The following CMTM7 variants were observed in gnomAD, a reference collection of about 807,000 sequenced individuals.
CMTM7 encodes the protein CKLF like MARVEL transmembrane domain containing 7.
A neutral mutation model predicts 19.3 loss-of-function variants in CMTM7; 7 were observed. The observed-to-expected ratio is 0.36, with a 90% CI of 0.21 to 0.68. CMTM7 has a LOEUF of 0.68. CMTM7 is among the 30% of genes least tolerant of loss of function. The probability of loss-of-function intolerance (pLI) is 0.60; values close to 1 mark genes in which losing one functional copy is unlikely to be tolerated. For missense variants in CMTM7, 193 were observed against 232.6 expected, an observed-to-expected ratio of 0.83 and a Z score of 1.11; for synonymous variants, 87 against 99.3, an observed-to-expected ratio of 0.88 and a Z score of 0.74.
intron 1 of CMTM7, among the ~76,000 whole-genome samples, chr3:32,415,240 G>A (rs1696243110): frequency 6.6e-6 from 1 of 151,998 alleles, no homozygotes; most frequent in Non-Finnish European, 1.5e-5. Context: ...GGGGCCCAGG[G>A]ACCTGCATTT....
At chr3:32,450,375 C>T (rs567219233) in intron 3 of CMTM7, among the ~76,000 whole-genome samples, 5 of 152,206 alleles carry the variant, frequency 3.3e-5, no homozygotes, top group South Asian at 2.1e-4. Context: ...GCCTGGGCAA[C>T]GTACTGAGAC....
chr3:32,452,124 G>A (rs1393671889), intron 3 of CMTM7: 2 of 1,462,836 alleles, frequency 1.4e-6, no homozygotes, highest in Non-Finnish European at 1.8e-6. Flanking sequence ...CCCAGACCAG[G>A]CACTGAAGCT....
intron 1 of CMTM7, among the ~76,000 whole-genome samples, chr3:32,434,533 G>C (rs1399212585): frequency 1.5e-4 from 23 of 150,566 alleles, no homozygotes; most frequent in Admixed American, 1.5e-3. Context: ...TCGAACCCTT[G>C]GCTTCAAGTA....
intron 1 of CMTM7, among the ~76,000 whole-genome samples, chr3:32,417,260 C>T (rs1241171173): frequency 6.6e-6 from 1 of 152,204 alleles, no homozygotes; most frequent in Non-Finnish European, 1.5e-5. Flanking sequence ...TCCTGGCAAC[C>T]ATTGATCTGT....
chr3:32,434,960 C>A (rs973706065), intron 1 of CMTM7, among the ~76,000 whole-genome samples: 7 of 152,158 alleles, frequency 4.6e-5, no homozygotes, highest in African/African-American at 1.4e-4. Flanking sequence ...TATTTCCATT[C>A]TTTTTAAATA....
chr3:32,393,601 G>A (rs1385707943), intron 1 of CMTM7, among the ~76,000 whole-genome samples: 2 of 151,926 alleles, frequency 1.3e-5, no homozygotes, highest in African/African-American at 4.8e-5. Context: ...ATGAAACCTC[G>A]GCAACATAGC....
At chr3:32,451,740 C>G (rs1696835854) in intron 3 of CMTM7, 1 of 225,382 alleles carries the variant, frequency 4.4e-6, no homozygotes, top group Admixed American at 5.6e-5. Flanking sequence ...CACAGGCACT[C>G]TTCGTCTCCC....
chr3:32,415,526 C>T (rs1422198439), intron 1 of CMTM7, among the ~76,000 whole-genome samples: 1 of 152,236 alleles, frequency 6.6e-6, no homozygotes, highest in African/African-American at 2.4e-5. Flanking sequence ...GGCAGTGGAA[C>T]TGCTGGATTC....
At chr3:32,411,489 G>T (rs1373261258) in intron 1 of CMTM7, among the ~76,000 whole-genome samples, 1 of 152,124 alleles carries the variant, frequency 6.6e-6, no homozygotes, top group Non-Finnish European at 1.5e-5. Context: ...ATGCTATCAA[G>T]AGTGTGAGCC....
chr3:32,447,095 A>G (rs1297749530), intron 2 of CMTM7, among the ~76,000 whole-genome samples: 2 of 152,118 alleles, frequency 1.3e-5, no homozygotes, highest in African/African-American at 4.8e-5. Flanking sequence ...CTTGTATTCC[A>G]TAATTTTGGT....
chr3:32,413,068 GTAAA>G (rs1696203944), intron 1 of CMTM7, among the ~76,000 whole-genome samples: 1 of 152,166 alleles, frequency 6.6e-6, no homozygotes, highest in African/African-American at 2.4e-5. Flanking sequence ...ACCTGTTTTT[GTAAA>G]TAAAGTTGTA....
chr3:32,420,203 C>T (rs1440741180), intron 1 of CMTM7, among the ~76,000 whole-genome samples: 5 of 152,328 alleles, frequency 3.3e-5, no homozygotes, highest in Middle Eastern at 3.4e-3. Flanking sequence ...ATGAACCTTT[C>T]GTCCATGTCT....
intron 1 of CMTM7, among the ~76,000 whole-genome samples, chr3:32,399,749 T>C (rs890343383): frequency 6.6e-6 from 1 of 152,170 alleles, no homozygotes; most frequent in East Asian, 1.9e-4. Flanking sequence ...TTCCTGGAAG[T>C]TGGAGAGTAA....
At chr3:32,439,477 A>G (rs1474369955) in intron 1 of CMTM7, among the ~76,000 whole-genome samples, 1 of 152,216 alleles carries the variant, frequency 6.6e-6, no homozygotes, top group Non-Finnish European at 1.5e-5. Flanking sequence ...TTTTAGAGAC[A>G]GACTTTCACT....
chr3:32,423,658 T>A (rs1289377716), intron 1 of CMTM7, among the ~76,000 whole-genome samples: 1 of 152,204 alleles, frequency 6.6e-6, no homozygotes, highest in Non-Finnish European at 1.5e-5. Flanking sequence ...TGAGCAGAAC[T>A]GCAGTGATGT....
intron 1 of CMTM7, among the ~76,000 whole-genome samples, chr3:32,420,331 G>A (rs1222110561): frequency 6.6e-6 from 1 of 152,248 alleles, no homozygotes; most frequent in Non-Finnish European, 1.5e-5. Context: ...GCAGTGGCAA[G>A]GAGGCCTGAG....
chr3:32,398,020 A>C (rs992073401), intron 1 of CMTM7, among the ~76,000 whole-genome samples: 1 of 152,198 alleles, frequency 6.6e-6, no homozygotes, highest in African/African-American at 2.4e-5. Context: ...GTAAGTTTTC[A>C]GGTTGGGAGT....
intron 1 of CMTM7, among the ~76,000 whole-genome samples, chr3:32,434,637 T>C (rs554962615): frequency 5.1e-4 from 74 of 145,604 alleles, no homozygotes; most frequent in African/African-American, 1.9e-3. Context: ...AATTTTGAGA[T>C]AGAAAACAAG....
intron 1 of CMTM7, among the ~76,000 whole-genome samples, chr3:32,407,924 A>G (rs1442842837): frequency 1.3e-5 from 2 of 152,222 alleles, no homozygotes; most frequent in East Asian, 1.9e-4. Context: ...CCCTCAAAAT[A>G]TGTATCTTAC....
Sources: allele counts gnomAD v4.1 joint callset (sites outside exome capture counted in the v4.1 genomes callset), GRCh38; gene constraint gnomAD v4.1.1; transcripts MANE v1.5; gene names NCBI Gene and HGNC (gene_info 2026-07-23, HGNC 2026-07-21).